PCSK7: variants seen among roughly 807,000 people sequenced by gnomAD.
PCSK7 encodes the protein lymphoma proprotein convertase.
In PCSK7, 38 loss-of-function variants were observed where a neutral mutation model predicts 73.3. That is an observed-to-expected ratio of 0.52 (90% CI 0.40 to 0.68). PCSK7 has a LOEUF of 0.68. PCSK7 is among the 30% of genes least tolerant of loss of function. The pLI, the probability that PCSK7 is intolerant of heterozygous loss-of-function variation, is 0.00. For missense variants in PCSK7, 692 were observed against 991.5 expected (o/e 0.70, Z 4.06); for synonymous variants, 296 against 383.8 (o/e 0.77, Z 2.68).
At chr11:117,224,646 G>A (rs889296406) in intron 7 of PCSK7, 55 bp downstream of exon 7, 25 of 1,388,676 alleles carry the variant, frequency 1.8e-5, no homozygotes, top group Non-Finnish European at 2.3e-5. Context: ...CAGTTCTCCC[G>A]GGACTGTATG....
intron 9 of PCSK7, chr11:117,220,029 G>T (rs1210302120): frequency 7.3e-6 from 2 of 274,972 alleles, no homozygotes; most frequent in African/African-American, 2.2e-5. Flanking sequence ...CTCAGAACAG[G>T]TCTCACAGGT....
chr11:117,227,048 G>T, intron 5 of PCSK7, 109 bp downstream of exon 5: 1 of 857,140 alleles, frequency 1.2e-6, no homozygotes, highest in East Asian at 2.5e-5. Flanking sequence ...TGCTATGTGT[G>T]TCAGCTGGGC....
In PCSK7 at chr11:117,223,065, C is replaced by A; in HGVS notation, c.1155+143G>T. 6.0e-6 allele frequency: 4 copies of A among 666,322 alleles called. 1 individual carries two copies. The highest frequency in any genetic ancestry group is 5.2e-5 in the East Asian group (2 of 38,798). 41.3% of individuals were successfully genotyped at this position (666,322 alleles called of 1,614,324 possible). ...AGTCTACTACTCCAAGGGTGGCATG[C>A]CTTAAGACATCCAGCTCTGTGGGGG... On this transcript the variant is annotated intron_variant, in intron 9 of 16. Coordinates refer to ENST00000320934, the MANE Select transcript of PCSK7 (RefSeq NM_004716.4).
chr11:117,219,866 G>A (rs927510102), intron 9 of PCSK7, 108 bp from the exon 10 acceptor site: 4 of 757,664 alleles, frequency 5.3e-6, no homozygotes, highest in Non-Finnish European at 8.3e-6. Flanking sequence ...CAGGAGGATT[G>A]CTTGAGCACA....
intron 8 of PCSK7, chr11:117,223,567 C>G (rs140073882): frequency 1.9e-6 from 1 of 523,558 alleles, no homozygotes; most frequent in African/African-American, 1.9e-5. Context: ...TACCTTCATA[C>G]CCACTTATTC....
In PCSK7 at chr11:117,205,917, T is replaced by C; in HGVS notation, c.*80A>G. 1 of 570,660 alleles carries C rather than the reference T, an allele frequency of 1.8e-6. No individual in the cohort carries two copies. Among genetic ancestry groups the C allele is most frequent in the African/African-American group, 1.9e-5 (1 of 52,514 alleles). The allele number at this position is 570,660 out of a possible 1,614,324, so 35.3% of individuals were successfully genotyped here. On this transcript the variant is annotated 3_prime_UTR_variant, in exon 17 of 17. Transcript: ENST00000320934. ...CAGAGGATGCCTCAGATTCCAGATG[T>C]AAGCATCAGAACTGCTTTCTGTCAA...
intron 12 of PCSK7, chr11:117,210,651 C>G (rs1386126326): frequency 1.3e-5 from 2 of 152,170 alleles, no homozygotes; most frequent in Admixed American, 6.5e-5. Flanking sequence ...GCCACTGCAC[C>G]CGGCCGAATA....
At chr11:117,227,934 G>C (rs2032494662) in intron 4 of PCSK7, among the ~76,000 whole-genome samples, 1 of 152,176 alleles carries the variant, frequency 6.6e-6, no homozygotes, top group African/African-American at 2.4e-5. Context: ...GCTTTAGAGA[G>C]AGGAAGGCAC....
chr11:117,226,101 G>T, intron 5 of PCSK7, 80 bp from the exon 6 acceptor site: 1 of 818,916 alleles, frequency 1.2e-6, no homozygotes. Context: ...AGCCATATGT[G>T]GGAGACTTAT....
At chr11:117,230,836 G>A (rs557223220) in intron 1 of PCSK7, among the ~76,000 whole-genome samples, 38 of 152,228 alleles carry the variant, frequency 2.5e-4, no homozygotes, top group African/African-American at 6.7e-4. Flanking sequence ...GGAGGGAGGC[G>A]GCGGGGGCGA....
At chr11:117,224,286 A>C (rs1192934985) in intron 7 of PCSK7, 70 bp from the exon 8 acceptor site, 11 of 1,477,770 alleles carry the variant, frequency 7.4e-6, no homozygotes, top group Middle Eastern at 1.7e-4. Flanking sequence ...CACATCAGTC[A>C]CCCTCTCCAC....
chr11:117,224,337 G>T, intron 7 of PCSK7, 121 bp from the exon 8 acceptor site: 1 of 958,812 alleles, frequency 1.0e-6, no homozygotes, highest in Non-Finnish European at 1.6e-6. Flanking sequence ...AAGGGCACTG[G>T]GCATGGGGGA....
rs778344316 is a variant in PCSK7 at position 117,227,138 on chromosome 11, G to C, written c.769+19C>G. On this transcript the variant is annotated intron_variant, in intron 5 of 16. Transcript: ENST00000320934. ...TCACAGGAGCAGCCTACCAAGGCTA[G>C]GCTGGAGGCACAAGTTACCTGCGAT... 2 of 1,586,912 alleles carry C rather than the reference G, an allele frequency of 1.3e-6. No homozygotes were observed. The highest frequency in any genetic ancestry group is 1.7e-6 in the Non-Finnish European group (2 of 1,166,250).
At chr11:117,226,086 T>G (rs1018032584) in intron 5 of PCSK7, 65 bp from the exon 6 acceptor site, 9 of 905,040 alleles carry the variant, frequency 9.9e-6, no homozygotes. Flanking sequence ...AACTGGGAGG[T>G]GGGGAGCCAT....
At chr11:117,229,051 G>A (rs927478520) in intron 3 of PCSK7, among the ~76,000 whole-genome samples, 8 of 152,174 alleles carry the variant, frequency 5.3e-5, no homozygotes, top group Non-Finnish European at 8.8e-5. Context: ...TATGAGGTAG[G>A]CACTATTACA....
intron 1 of PCSK7, 139 bp downstream of exon 1, chr11:117,231,888 G>C (rs907336844): frequency 6.6e-6 from 1 of 152,522 alleles, no homozygotes; most frequent in African/African-American, 2.4e-5. Flanking sequence ...CTGGGCCCTG[G>C]GGCCCCATCT....
At chr11:117,221,653 G>A (rs1340052270) in intron 9 of PCSK7, 1 of 152,294 alleles carries the variant, frequency 6.6e-6, no homozygotes, top group African/African-American at 2.4e-5. Flanking sequence ...TTACAGTTCA[G>A]ATGGAAGAGG....
In PCSK7 at chr11:117,204,656, T is replaced by C. The variant is rs1227202880; in HGVS notation, c.*1341A>G. 1 of 491,388 alleles carries C rather than the reference T, an allele frequency of 2.0e-6. No homozygotes were observed. The highest frequency in any genetic ancestry group is 3.1e-5 in the Admixed American group (1 of 32,274). 30.4% of individuals were successfully genotyped at this position (491,388 alleles called of 1,614,324 possible). A position where few individuals can be genotyped will look rare whatever the true frequency, so the allele number is the denominator to read the frequency against. On this transcript the variant is annotated 3_prime_UTR_variant, in exon 17 of 17. Transcript: ENST00000320934. ...AGAAGCGGGCTGGGGGTAGCCTGGATGTGGGCCAAGTCCACTGTCCTCCTT... is the reference window on the plus strand; with the variant it reads ...AGAAGCGGGCTGGGGGTAGCCTGGACGTGGGCCAAGTCCACTGTCCTCCTT...
At position 117,219,041 on chromosome 11, in the gene PCSK7, G is replaced by A; in HGVS notation, c.1431+16C>T. The A allele has an allele frequency of 1.3e-6, 2 of 1,583,314 alleles. No homozygotes were observed. Among genetic ancestry groups the A allele is most frequent in the South Asian group, 2.2e-5 (2 of 90,072 alleles). ...CACTCCACACAGGGCACCCTGCCCT[G>A]CCAACACCTGTTCACCTTGGCTGCA... On this transcript the variant is annotated intron_variant, in intron 11 of 16. Transcript: ENST00000320934.
Sources: allele counts gnomAD v4.1 joint callset (sites outside exome capture counted in the v4.1 genomes callset), GRCh38; gene constraint gnomAD v4.1.1; transcripts MANE v1.5; gene names NCBI Gene and HGNC (gene_info 2026-07-23, HGNC 2026-07-21).